CCND3: variants seen among roughly 807,000 people sequenced by gnomAD.
The protein encoded by CCND3 is cyclin D3.
In CCND3, 9 loss-of-function variants were observed where a neutral mutation model predicts 28.7. That is an observed-to-expected ratio of 0.31 (90% confidence interval 0.19 to 0.55). The LOEUF is 0.55. Ranked by LOEUF, CCND3 falls within the 20% of genes least tolerant of loss-of-function variation. The pLI is 0.93. For missense variants in CCND3, 315 were observed against 385.8 expected, an observed-to-expected ratio of 0.82 and a Z score of 1.54; for synonymous variants, 164 against 163.9, an observed-to-expected ratio of 1.00 and a Z score of 0.00.
At chr6:42,006,007 T>A (rs1000466361) in intron 1 of CCND3, among the ~76,000 whole-genome samples, 3 of 151,474 alleles carry the variant, frequency 2.0e-5, no homozygotes, top group African/African-American at 7.3e-5. Context: ...ACACAAAAAA[T>A]TTTTTTTTAA....
chr6:41,959,406 C>T (rs1382023408), intron 1 of CCND3, among the ~76,000 whole-genome samples: 1 of 152,154 alleles, frequency 6.6e-6, no homozygotes, highest in African/African-American at 2.4e-5. Flanking sequence ...CCAGGCCAGG[C>T]GCAGTGGCTC....
chr6:42,047,862 T>C, intron 1 of CCND3: 1 of 152,340 alleles, frequency 6.6e-6, no homozygotes, highest in East Asian at 1.9e-4. Context: ...CCCCAGCCAG[T>C]GTACTTGGCA....
At chr6:42,009,922 C>A (rs1428964599) in intron 1 of CCND3, among the ~76,000 whole-genome samples, 1 of 152,114 alleles carries the variant, frequency 6.6e-6, no homozygotes, top group Non-Finnish European at 1.5e-5. Flanking sequence ...ATTGTTGGGC[C>A]CCACTTAGTC....
Position 41,938,797 on chromosome 6 carries a change from C to T in CCND3, c.415-1403G>A, listed in dbSNP as rs991108756. 3.9e-5 allele frequency among the ~76,000 whole-genome samples: 6 copies of T among 152,000 alleles called. No homozygotes were observed. Among genetic ancestry groups the T allele is most frequent in the African/African-American group, 1.4e-4 (6 of 41,406 alleles). ...AGGTTCTACACTCATCTGCTCAGTG[C>T]GATGCTGAGGCAGGACCTTGCCCTC... On this transcript the variant is annotated intron_variant, in intron 2 of 4. Coordinates refer to ENST00000372991, the MANE Select transcript of CCND3 (RefSeq NM_001760.5). The surrounding 1 kb of genome is among the most constrained non-coding windows in gnomAD (Gnocchi z 4.6).
At chr6:42,043,113 G>A (rs1217264918) in intron 1 of CCND3, among the ~76,000 whole-genome samples, 1 of 152,242 alleles carries the variant, frequency 6.6e-6, no homozygotes, top group Non-Finnish European at 1.5e-5. Flanking sequence ...GGTGTCTCTG[G>A]CCAGGCACAG....
At chr6:41,979,283 C>G (rs926107652) in intron 1 of CCND3, among the ~76,000 whole-genome samples, 6 of 151,700 alleles carry the variant, frequency 4.0e-5, no homozygotes, top group African/African-American at 1.5e-4. Flanking sequence ...CCTGTAATCC[C>G]AGCACTTTGG....
In CCND3 at chr6:41,989,467, C is replaced by CA. The variant is rs1224358952; in HGVS notation, c.-45-48883dup. ...GAAACACTGTCTCAAAAAAAAAAAA[C>CA]AAAAAAAAAAAACAGAAAAGAAAAC... is the stretch of plus-strand genomic sequence containing the variant. On this transcript the variant is annotated intron_variant, in intron 1 of 4. Transcript: ENST00000372988. Among the ~76,000 whole-genome samples the CA allele has an allele frequency of 9.3e-4, 89 of 95,240 alleles. 3 individuals are homozygous for CA. The highest frequency in any genetic ancestry group is 3.0e-3 in the African/African-American group (84 of 27,964). The allele number at this position is 95,240 out of a possible 152,430, so 62.5% of individuals were successfully genotyped here.
At chr6:41,974,183 G>A (rs761423846) in intron 1 of CCND3, among the ~76,000 whole-genome samples, 31 of 151,488 alleles carry the variant, frequency 2.0e-4, no homozygotes, top group Non-Finnish European at 2.8e-4. Flanking sequence ...ACTCTGTCTC[G>A]AAGAAACAAA....
chr6:41,936,734 C>T lies in CCND3; in HGVS notation c.575-39G>A, dbSNP rs1775812674. The T allele has an allele frequency of 3.1e-6, 5 of 1,602,018 alleles. No homozygotes were observed. The Admixed American group carries it at 5.1e-5, about 16-fold the overall frequency. On this transcript the variant is annotated intron_variant, in intron 3 of 4. Transcript: ENST00000372991. This position sits in a 1 kb window ranked among gnomAD's most constrained non-coding sequence, Gnocchi z 4.4. ...AAAGGGAACCATGAGAGAAGGAAAC[C>T]TGAAGGATAACGGCCAGCATGGACT...
intron 1 of CCND3, among the ~76,000 whole-genome samples, chr6:41,979,051 A>G (rs1055835645): frequency 6.6e-6 from 1 of 151,370 alleles, no homozygotes; most frequent in Admixed American, 6.6e-5. Context: ...CATGCCTGTA[A>G]TCCGAGCTAC....
chr6:42,007,876 A>G (rs1412973401), intron 1 of CCND3, among the ~76,000 whole-genome samples: 3 of 152,042 alleles, frequency 2.0e-5, no homozygotes, highest in Non-Finnish European at 4.4e-5. Flanking sequence ...GCTGTTGAAG[A>G]AGTGGAGACA....
chr6:41,936,095 C>T lies in CCND3; in HGVS notation c.724G>A (p.Ala242Thr). ...ITGTEVDCLR[A>T]CQEQIEAALR... is the part of the protein sequence containing the mutation. ...GCAGCTTCGATCTGCTCCTGACAGG[C>T]CCGCAGGCAGTCCTGGGAACATGGG... Residue 242 changes from alanine (A) to threonine (T), a missense_variant, in exon 5 of 5, where the codon GCC (alanine) becomes ACC (threonine). Physicochemically the swap from Ala to Thr is moderately conservative, Grantham distance 58. Transcript: ENST00000372991. The surrounding 1 kb of genome is among the most constrained non-coding windows in gnomAD (Gnocchi z 4.4). 1 of 1,593,986 alleles carries T rather than the reference C, an allele frequency of 6.3e-7. No individual in the cohort carries two copies. Among genetic ancestry groups the T allele is most frequent in the South Asian group, 1.1e-5 (1 of 89,062 alleles).
intron 1 of CCND3, among the ~76,000 whole-genome samples, chr6:42,017,132 C>A (rs1763544086): frequency 6.6e-6 from 1 of 152,158 alleles, no homozygotes. Flanking sequence ...CCTGGCCCTC[C>A]CCCACACAGC....
intron 1 of CCND3, among the ~76,000 whole-genome samples, chr6:41,973,180 A>G (rs1208974297): frequency 6.6e-6 from 1 of 152,210 alleles, no homozygotes; most frequent in African/African-American, 2.4e-5. Flanking sequence ...GGTAAAACAC[A>G]GTCTGTTCTT....
rs562820140 is a variant in CCND3, at chr6:41,985,075, C to A, written c.-45-44490G>T. On this transcript the variant is annotated intron_variant, in intron 1 of 4. Transcript: ENST00000372988. ...AATTTCCTATGAAATGTGTGGTTTGCAAATATTTTCTCACATTCTGTAGGT... is the reference window on the plus strand; with the variant it reads ...AATTTCCTATGAAATGTGTGGTTTGAAAATATTTTCTCACATTCTGTAGGT... Among the ~76,000 whole-genome samples, 8 of 152,116 alleles carry A rather than the reference C, an allele frequency of 5.3e-5. No individual in the cohort carries two copies. The South Asian group carries it at 6.2e-4, about 12-fold the overall frequency.
chr6:42,036,065 G>A (rs1453978845), intron 1 of CCND3, among the ~76,000 whole-genome samples: 3 of 146,174 alleles, frequency 2.1e-5, no homozygotes, highest in Non-Finnish European at 3.0e-5. Flanking sequence ...ATGTTAGCTT[G>A]CTGCGCAACC....
At chr6:41,979,639 C>CTA (rs760245090) in intron 1 of CCND3, among the ~76,000 whole-genome samples, 10 of 112,252 alleles carry the variant, frequency 8.9e-5, no homozygotes, top group African/African-American at 3.0e-4. Context: ...CTCTCTCTCT[C>CTA]TCTCTATATA....
At chr6:41,962,645 A>G (rs939252394) in intron 1 of CCND3, among the ~76,000 whole-genome samples, 1 of 152,196 alleles carries the variant, frequency 6.6e-6, no homozygotes, top group African/African-American at 2.4e-5. Flanking sequence ...TTTACTGAGG[A>G]GGCTTAGGTG....
At chr6:41,990,849 T>C (rs1487035108) in intron 1 of CCND3, among the ~76,000 whole-genome samples, 4 of 151,186 alleles carry the variant, frequency 2.6e-5, no homozygotes, top group Non-Finnish European at 4.4e-5. Context: ...TCCGGCTAAT[T>C]TTTGTATTTT....
Sources: gnomAD v4.1 joint callset for allele counts (sites outside exome capture counted in the v4.1 genomes callset) on GRCh38, gnomAD v4.1.1 for gene constraint, Gnocchi (gnomAD v3.1) non-coding constraint, MANE v1.5 for transcripts, NCBI Gene and HGNC (gene_info 2026-07-23, HGNC 2026-07-21) for gene names.